The following SCAI variants were observed in gnomAD, a reference collection of about 807,000 sequenced individuals.
SCAI encodes the protein protein SCAI.
SCAI carries 24 observed loss-of-function variants against 92.2 expected under a neutral mutation model. The ratio of observed to expected loss-of-function variants is 0.26; its 90% CI spans 0.19 to 0.37. The LOEUF (loss-of-function observed/expected upper bound fraction) is 0.37. Among genes scored for constraint, SCAI ranks in the 10% least tolerant of loss-of-function variants. The probability of loss-of-function intolerance (pLI) is 1.00; values close to 1 mark genes in which losing one functional copy is unlikely to be tolerated. For synonymous variants in SCAI, 261 were observed against 258.6 expected (o/e 1.01, Z -0.09); for missense variants, 450 against 736.2 (o/e 0.61, Z 4.50).
intron 2 of SCAI, among the ~76,000 whole-genome samples, chr9:125,124,465 A>G (rs1352581833): frequency 6.6e-6 from 1 of 152,166 alleles, no homozygotes. Context: ...GTTCCAATAC[A>G]ACAGCTACCA....
intron 2 of SCAI, among the ~76,000 whole-genome samples, chr9:125,071,971 A>G (rs953414469): frequency 2.0e-5 from 3 of 152,186 alleles, no homozygotes; most frequent in African/African-American, 4.8e-5. Context: ...ATTTGTTTCA[A>G]TGCCAGTGCC....
At chr9:124,971,981 T>C in intron 15 of SCAI, 137 bp from the exon 16 acceptor site, 1 of 486,890 alleles carries the variant, frequency 2.1e-6, no homozygotes, top group East Asian at 3.5e-5. Flanking sequence ...CAAAGCAGAT[T>C]CTTCACGAAA....
Position 124,952,687 on chromosome 9 carries a change from TGGCCC to T in SCAI, c.*115_*119del. On this transcript the variant is annotated 3_prime_UTR_variant, in exon 18 of 18. Transcript: ENST00000336505. ...ATTTTTTTGTTTGTTTTTAAAATGG[TGGCCC>T]TAAATTAAAAAATAAAAACTAAGTA... 1 of 675,404 alleles carries T rather than the reference TGGCCC, an allele frequency of 1.5e-6. No individual in the cohort carries two copies. The highest frequency in any genetic ancestry group is 2.3e-6 in the Non-Finnish European group (1 of 432,876). 41.8% of individuals were successfully genotyped at this position (675,404 alleles called of 1,614,324 possible).
At chr9:125,038,302 GC>G (rs1339184561) in intron 3 of SCAI, among the ~76,000 whole-genome samples, 1 of 152,160 alleles carries the variant, frequency 6.6e-6, no homozygotes, top group African/African-American at 2.4e-5. Context: ...CATTGAGAAA[GC>G]CACAAAACAA....
chr9:125,045,708 G>A (rs1016817862), intron 3 of SCAI, among the ~76,000 whole-genome samples: 7 of 152,086 alleles, frequency 4.6e-5, no homozygotes, highest in Admixed American at 1.3e-4. Context: ...AAAACTTCTC[G>A]GAAGTAGCAC....
At chr9:125,024,051 T>A (rs952836265) in intron 6 of SCAI, among the ~76,000 whole-genome samples, 1 of 151,100 alleles carries the variant, frequency 6.6e-6, no homozygotes, top group Non-Finnish European at 1.5e-5. Flanking sequence ...CTGAAAAAAA[T>A]ACTGTCACCA....
At chr9:125,072,926 C>T (rs1834005541) in intron 2 of SCAI, among the ~76,000 whole-genome samples, 1 of 151,876 alleles carries the variant, frequency 6.6e-6, no homozygotes, top group Admixed American at 6.6e-5. Flanking sequence ...TTTGCTTCTC[C>T]ATTCATCCAC....
chr9:125,018,658 C>T, intron 9 of SCAI, 141 bp downstream of exon 9: 4 of 639,600 alleles, frequency 6.3e-6, no homozygotes, highest in East Asian at 2.9e-5. Context: ...TAATATATTC[C>T]ATATATGCAC....
intron 2 of SCAI, among the ~76,000 whole-genome samples, chr9:125,113,643 A>G (rs1307611675): frequency 1.3e-5 from 2 of 151,164 alleles, no homozygotes; most frequent in African/African-American, 2.5e-5. Flanking sequence ...ATAAAAGTGG[A>G]AAATCCAGAA....
At chr9:124,959,136 T>C (rs1251540462) in intron 17 of SCAI, among the ~76,000 whole-genome samples, 3 of 151,604 alleles carry the variant, frequency 2.0e-5, no homozygotes, top group Non-Finnish European at 4.4e-5. Flanking sequence ...AGGGATAGCA[T>C]TAGGAGATAT....
chr9:124,944,445 G>A lies in SCAI; in HGVS notation c.*8362C>T, dbSNP rs961712334. On this transcript the variant is annotated 3_prime_UTR_variant, in exon 18 of 18. Coordinates refer to ENST00000336505, the MANE Select transcript of SCAI (RefSeq NM_001144877.3). ...CTCCCAAGTAGCTGGGATTACAGGC[G>A]CACACCACCATGCCTGGCTAATTTT... 6 of 142,798 alleles carry A rather than the reference G, an allele frequency of 4.2e-5. No homozygotes were observed. The East Asian group carries it at 1.0e-3, about 24-fold the overall frequency. 8.8% of individuals were successfully genotyped at this position (142,798 alleles called of 1,614,324 possible).
intron 2 of SCAI, among the ~76,000 whole-genome samples, chr9:125,100,176 CTT>C (rs1226332466): frequency 2.6e-5 from 4 of 152,200 alleles, no homozygotes; most frequent in Non-Finnish European, 5.9e-5. Context: ...AGAAGTAGCT[CTT>C]GTCTCTTGTG....
intron 17 of SCAI, among the ~76,000 whole-genome samples, chr9:124,964,286 G>A (rs1273809875): frequency 2.0e-5 from 3 of 152,112 alleles, no homozygotes; most frequent in Non-Finnish European, 2.9e-5. Context: ...TTCTGGTGTG[G>A]TGTCTATTAG....
At position 124,947,448 on chromosome 9, in the gene SCAI, GC is replaced by G. The variant is rs990778313; in HGVS notation, c.*5358del. 40 of 152,066 alleles carry G rather than the reference GC, an allele frequency of 2.6e-4. No individual in the cohort carries two copies. Among genetic ancestry groups the G allele is most frequent in the African/African-American group, 9.6e-4 (40 of 41,494 alleles). 9.4% of individuals were successfully genotyped at this position (152,066 alleles called of 1,614,324 possible). On this transcript the variant is annotated 3_prime_UTR_variant, in exon 18 of 18. Transcript: ENST00000336505. ...ATATCCTAATTTCAACTCCAAATTA[GC>G]CCATTTTATCCAAACACAAGCCTCT...
chr9:125,098,015 GTA>G (rs939414057), intron 2 of SCAI, among the ~76,000 whole-genome samples: 1 of 150,064 alleles, frequency 6.7e-6, no homozygotes, highest in South Asian at 2.1e-4. Flanking sequence ...GTGTGTGTGT[GTA>G]TATATATATC....
chr9:125,127,227 T>C (rs947557374), intron 2 of SCAI, among the ~76,000 whole-genome samples: 1 of 152,150 alleles, frequency 6.6e-6, no homozygotes, highest in African/African-American at 2.4e-5. Flanking sequence ...TCTTAGACAA[T>C]GTGCTCAGTC....
chr9:125,037,100 C>G (rs1833212807), intron 3 of SCAI, among the ~76,000 whole-genome samples: 1 of 152,086 alleles, frequency 6.6e-6, no homozygotes, highest in African/African-American at 2.4e-5. Context: ...GAAACCCTGT[C>G]TCTACTAAAG....
At chr9:124,969,632 T>C (rs1035890363) in intron 17 of SCAI, among the ~76,000 whole-genome samples, 1 of 152,234 alleles carries the variant, frequency 6.6e-6, no homozygotes, top group Non-Finnish European at 1.5e-5. Flanking sequence ...AAAGTATGAT[T>C]GCAACAAGTG....
At chr9:125,004,769 ATATATATATATTTTTTTTTTTTTTTTTTT>A (rs1351709937) in intron 9 of SCAI, among the ~76,000 whole-genome samples, 2 of 7,982 alleles carry the variant, frequency 2.5e-4, no homozygotes, top group African/African-American at 7.3e-4. Context: ...ATATATATAT[ATATATATATATTTTTTTTTTTTTTTTTTT>A]TTTTTTTGAG....
Sources: gnomAD v4.1 joint callset for allele counts (sites outside exome capture counted in the v4.1 genomes callset) on GRCh38, gnomAD v4.1.1 for gene constraint, MANE v1.5 for transcripts, NCBI Gene and HGNC (gene_info 2026-07-23, HGNC 2026-07-21) for gene names.